Variants in GRIA3 observed in about 807,000 individuals in gnomAD.
GRIA3 encodes the protein glutamate receptor 3.
In GRIA3, 3 loss-of-function variants were observed where a neutral mutation model predicts 63.0. The observed-to-expected ratio is 0.05, with a 90% CI of 0.02 to 0.12. The LOEUF is 0.12. GRIA3 is among the 10% of genes least tolerant of loss of function. The probability of loss-of-function intolerance (pLI) is 1.00; values close to 1 mark genes in which losing one functional copy is unlikely to be tolerated. For synonymous variants in GRIA3, 274 were observed against 257.9 expected, an observed-to-expected ratio of 1.06 and a Z score of -0.60; for missense variants, 347 against 700.9, an observed-to-expected ratio of 0.50 and a Z score of 5.70.
intron 3 of GRIA3, among the ~76,000 whole-genome samples, chrX:123,262,524 G>T (rs978102797): frequency 1.8e-5 from 2 of 111,898 alleles, no homozygotes; most frequent in Non-Finnish European, 3.8e-5. Flanking sequence ...AACTCCTTAA[G>T]GGGTTGGCAG....
chrX:123,355,097 A>G, intron 5 of GRIA3, 134 bp downstream of exon 5: 2 of 538,868 alleles, frequency 3.7e-6, no homozygotes, highest in Admixed American at 4.8e-5. Context: ...GGTAAATACC[A>G]AAACCTGAAT....
rs377403281 is a variant in GRIA3, at chrX:123,417,382, T to C, written c.1501-20T>C. On this transcript the variant is annotated intron_variant, in intron 10 of 15. Coordinates refer to ENST00000620443, the MANE Select transcript of GRIA3 (RefSeq NM_007325.5). ...GTCTCTAAAAGTCATATATGTTTTC[T>C]TTTTTTTCTTTTTTTTCAGAGAGCT... The C allele has an allele frequency of 3.4e-6, 4 of 1,174,134 alleles. No individual in the cohort carries two copies.
intron 12 of GRIA3, among the ~76,000 whole-genome samples, chrX:123,447,982 G>A (rs753674549): frequency 8.9e-6 from 1 of 112,235 alleles, no homozygotes; most frequent in Non-Finnish European, 1.9e-5. Context: ...ATAAGAGTCA[G>A]AGAGAGTAGG....
At chrX:123,272,552 T>C (rs2044530311) in intron 3 of GRIA3, among the ~76,000 whole-genome samples, 1 of 111,295 alleles carries the variant, frequency 9.0e-6, no homozygotes, top group African/African-American at 3.3e-5. Flanking sequence ...TTTTCTTGCC[T>C]CCAGAAATCC....
At chrX:123,297,679 C>T (rs2044694537) in intron 3 of GRIA3, among the ~76,000 whole-genome samples, 1 of 111,507 alleles carries the variant, frequency 9.0e-6, no homozygotes, top group African/African-American at 3.3e-5. Flanking sequence ...GAGTTTGAAT[C>T]CTACCTTTGC....
At chrX:123,402,966 T>C in intron 7 of GRIA3, 28 bp from the exon 8 acceptor site, 1 of 848,597 alleles carries the variant, frequency 1.2e-6, no homozygotes, top group Non-Finnish European at 1.8e-6. Context: ...GTGCTATTTT[T>C]AAATTTTAAA....
At chrX:123,440,873 T>C (rs140959062) in intron 12 of GRIA3, among the ~76,000 whole-genome samples, 1,206 of 112,330 alleles carry the variant, frequency 0.011, 11 homozygotes, top group African/African-American at 0.037. Flanking sequence ...TGTTCCTATG[T>C]CCAGGATGGT....
intron 4 of GRIA3, among the ~76,000 whole-genome samples, chrX:123,351,665 CTCTT>C (rs2045095253): frequency 8.9e-6 from 1 of 111,777 alleles, no homozygotes; most frequent in Non-Finnish European, 1.9e-5. Context: ...ACTAATGTAC[CTCTT>C]TCTAATATCA....
At chrX:123,211,604 C>G (rs762125418) in intron 2 of GRIA3, among the ~76,000 whole-genome samples, 1 of 111,441 alleles carries the variant, frequency 9.0e-6, no homozygotes, top group East Asian at 2.8e-4. Context: ...ACCTTGCACA[C>G]AGGAGCTCTC....
chrX:123,242,992 T>C (rs2044338720), intron 2 of GRIA3, among the ~76,000 whole-genome samples: 1 of 112,333 alleles, frequency 8.9e-6, no homozygotes, highest in Non-Finnish European at 1.9e-5. Flanking sequence ...AATAATACTA[T>C]GGAGTAGGTA....
At chrX:123,373,109 T>G (rs948352633) in intron 5 of GRIA3, among the ~76,000 whole-genome samples, 1 of 109,795 alleles carries the variant, frequency 9.1e-6, no homozygotes, top group Non-Finnish European at 1.9e-5. Flanking sequence ...AGTGAGAATA[T>G]GCGGTGTTTG....
chrX:123,215,514 C>T (rs1928137231), intron 2 of GRIA3, among the ~76,000 whole-genome samples: 2 of 111,362 alleles, frequency 1.8e-5, no homozygotes, highest in South Asian at 7.8e-4. Flanking sequence ...GTGGAGAAGA[C>T]AGGAAATGTT....
At chrX:123,203,943 C>T in intron 2 of GRIA3, among the ~76,000 whole-genome samples, 1 of 112,168 alleles carries the variant, frequency 8.9e-6, no homozygotes, top group Middle Eastern at 4.6e-3. Flanking sequence ...CATATCAAAT[C>T]CTTAGCATAA....
chrX:123,263,831 T>A (rs2044473210), intron 3 of GRIA3, among the ~76,000 whole-genome samples: 1 of 112,559 alleles, frequency 8.9e-6, no homozygotes, highest in Admixed American at 9.4e-5. Context: ...ACTGTGTATA[T>A]GCTTTTGCAT....
chrX:123,349,236 C>T lies in GRIA3; in HGVS notation c.697-5674C>T, dbSNP rs185969457. Among the ~76,000 whole-genome samples the T allele has an allele frequency of 4.5e-5, 5 of 112,072 alleles. 1 individual carries two copies. In the East Asian group the frequency reaches 1.4e-3, roughly 31 times the overall value. On this transcript the variant is annotated intron_variant, in intron 4 of 15. Coordinates refer to ENST00000620443, the MANE Select transcript of GRIA3 (RefSeq NM_007325.5). Reference sequence around the variant, plus strand: ...TTTAGGATTAAGACAATGAAGTGTTCCCACAAAGGTCAACATGTATTTAAA... The same window carrying T: ...TTTAGGATTAAGACAATGAAGTGTTTCCACAAAGGTCAACATGTATTTAAA...
At chrX:123,265,498 G>A (rs2044482573) in intron 3 of GRIA3, among the ~76,000 whole-genome samples, 1 of 112,029 alleles carries the variant, frequency 8.9e-6, no homozygotes, top group African/African-American at 3.2e-5. Flanking sequence ...TATTCTTTAA[G>A]TGGAAGTTGA....
At chrX:123,427,803 T>C in intron 11 of GRIA3, 138 bp from the exon 12 acceptor site, 1 of 518,018 alleles carries the variant, frequency 1.9e-6, no homozygotes, top group Middle Eastern at 5.6e-4. Flanking sequence ...TTTAATGTTT[T>C]AATTCCCTCA....
intron 7 of GRIA3, among the ~76,000 whole-genome samples, chrX:123,401,501 A>G (rs1436544297): frequency 8.9e-6 from 1 of 111,832 alleles, no homozygotes; most frequent in Non-Finnish European, 1.9e-5. Context: ...TGGATAAGTA[A>G]TTTCTATCTC....
intron 5 of GRIA3, among the ~76,000 whole-genome samples, chrX:123,373,551 T>G (rs1241959467): frequency 8.9e-6 from 1 of 111,945 alleles, no homozygotes; most frequent in South Asian, 3.8e-4. Context: ...CTATTCTGAC[T>G]GGTGTGAGAT....
Sources: allele counts gnomAD v4.1 joint callset (sites outside exome capture counted in the v4.1 genomes callset), GRCh38; gene constraint gnomAD v4.1.1; transcripts MANE v1.5; gene names NCBI Gene and HGNC (gene_info 2026-07-23, HGNC 2026-07-21).